Variants in ADCY1 observed in about 807,000 individuals in gnomAD.
ADCY1 encodes adenylate cyclase type 1.
A neutral mutation model predicts 105.4 loss-of-function variants in ADCY1; 28 were observed. The observed-to-expected ratio is 0.27, with a 90% CI of 0.20 to 0.36. The LOEUF (loss-of-function observed/expected upper bound fraction) is 0.36. Ranked by LOEUF, ADCY1 falls within the 10% of genes least tolerant of loss-of-function variation. The pLI is 1.00. For missense variants in ADCY1, 977 were observed against 1,434.2 expected, an observed-to-expected ratio of 0.68 and a Z score of 5.15; for synonymous variants, 655 against 623.8, an observed-to-expected ratio of 1.05 and a Z score of -0.75.
intron 4 of ADCY1, among the ~76,000 whole-genome samples, chr7:45,636,449 T>G (rs1794400130): frequency 1.3e-5 from 2 of 152,234 alleles, no homozygotes; most frequent in Non-Finnish European, 1.5e-5. Context: ...AACTACATTC[T>G]GTCATCTGCA....
Position 45,719,919 on chromosome 7 carries a change from A to AAG in ADCY1, c.*5925_*5926dup, listed in dbSNP as rs1785437311. ...TTTATCATCTACTACATCAGCACTGAAGTCCAGGGGCATTGAGGCACTAAC... is the reference window on the plus strand; with the variant it reads ...TTTATCATCTACTACATCAGCACTGAAGAGTCCAGGGGCATTGAGGCACTAAC... On this transcript the variant is annotated 3_prime_UTR_variant, in exon 20 of 20. Coordinates refer to ENST00000297323, the MANE Select transcript of ADCY1 (RefSeq NM_021116.4). 6.6e-6 allele frequency: 1 copy of AAG among 152,094 alleles called. No individual in the cohort carries two copies. The highest frequency in any genetic ancestry group is 6.5e-5 in the Admixed American group (1 of 15,274). The allele number at this position is 152,094 out of a possible 1,614,324, so 9.4% of individuals were successfully genotyped here.
In ADCY1 at chr7:45,677,943, C is replaced by T; in HGVS notation, c.1680C>T (p.Thr560=). 1 of 1,614,204 alleles carries T rather than the reference C, an allele frequency of 6.2e-7. No individual in the cohort carries two copies. Among genetic ancestry groups the T allele is most frequent in the Non-Finnish European group, 8.5e-7 (1 of 1,180,038 alleles). Residue 560 remains threonine, a synonymous_variant, in exon 9 of 20, where the codon ACC becomes ACT. Coordinates refer to ENST00000297323, the MANE Select transcript of ADCY1 (RefSeq NM_021116.4). ...TTTCTACCAACGTTGTCTACACCAC[C>T]CCGGGCACTCGCGTCAACAGGTACA... The part of the protein sequence containing the change: ...SSFSTNVVYT[T]PGTRVNRYIS...
At chr7:45,683,272 T>C (rs1271971832) in intron 11 of ADCY1, among the ~76,000 whole-genome samples, 4 of 152,194 alleles carry the variant, frequency 2.6e-5, no homozygotes, top group Non-Finnish European at 5.9e-5. Context: ...TTTCCAACCA[T>C]GTCTTTCCCA....
chr7:45,678,894 A>ATAG (rs1447944141), intron 10 of ADCY1, among the ~76,000 whole-genome samples: 3 of 151,484 alleles, frequency 2.0e-5, no homozygotes, highest in Non-Finnish European at 4.4e-5. Context: ...TCTAAAAATA[A>ATAG]TAATAATAAT....
chr7:45,696,283 C>T (rs988443639), intron 14 of ADCY1, among the ~76,000 whole-genome samples: 2 of 151,730 alleles, frequency 1.3e-5, no homozygotes, highest in Non-Finnish European at 2.9e-5. Context: ...CTAAAAAATA[C>T]AAAAAATTAG....
At position 45,715,574 on chromosome 7, in the gene ADCY1, G is replaced by C. The variant is rs981028120; in HGVS notation, c.*1579G>C. 1 of 152,510 alleles carries C rather than the reference G, an allele frequency of 6.6e-6. No individual in the cohort carries two copies. The allele number at this position is 152,510 out of a possible 1,614,324, so 9.4% of individuals were successfully genotyped here. ...CTCCAGGCTGATCCCTGTCCGCACA[G>C]GTGGGTGATGTCCTTGGCTGCTGCC... On this transcript the variant is annotated 3_prime_UTR_variant, in exon 20 of 20. Coordinates refer to ENST00000297323, the MANE Select transcript of ADCY1 (RefSeq NM_021116.4).
At chr7:45,670,500 C>T (rs79209880) in intron 8 of ADCY1, among the ~76,000 whole-genome samples, 2,138 of 152,216 alleles carry the variant, frequency 0.014, 30 homozygotes, top group Non-Finnish European at 0.017. Flanking sequence ...TAGCACCAAC[C>T]GGAAAATGGA....
chr7:45,698,041 ACAT>A (rs569623932), intron 14 of ADCY1, among the ~76,000 whole-genome samples: 82 of 152,280 alleles, frequency 5.4e-4, no homozygotes, highest in African/African-American at 1.7e-3. Flanking sequence ...TGGGACAAAC[ACAT>A]CATGAGGGCT....
At chr7:45,652,216 C>T (rs947157687) in intron 5 of ADCY1, among the ~76,000 whole-genome samples, 4 of 152,220 alleles carry the variant, frequency 2.6e-5, no homozygotes, top group African/African-American at 4.8e-5. Context: ...GATCCAGTTA[C>T]CTCCCACCAG....
intron 1 of ADCY1, among the ~76,000 whole-genome samples, chr7:45,589,026 G>A (rs1172571171): frequency 2.0e-5 from 3 of 152,246 alleles, no homozygotes; most frequent in South Asian, 2.1e-4. Context: ...TCTTTGATAA[G>A]CTCATTTGGG....
At chr7:45,632,998 A>G (rs999610048) in intron 4 of ADCY1, among the ~76,000 whole-genome samples, 1 of 151,974 alleles carries the variant, frequency 6.6e-6, no homozygotes, top group Admixed American at 6.6e-5. Context: ...GCTCACTGCA[A>G]TCTCTGCCTC....
chr7:45,600,889 C>T (rs1793212451), intron 2 of ADCY1, among the ~76,000 whole-genome samples: 1 of 152,128 alleles, frequency 6.6e-6, no homozygotes, highest in Non-Finnish European at 1.5e-5. Context: ...TTAGGGCCCA[C>T]TCAATTACCT....
chr7:45,708,408 T>G lies in ADCY1; in HGVS notation c.2876T>G (p.Phe959Cys), dbSNP rs761085202. ...STLADFAIEMFDVLDEINYQS... is the reference protein window; with the variant it reads ...STLADFAIEMCDVLDEINYQS... Reference sequence around the variant, plus strand: ...CTGGCGGACTTTGCCATTGAGATGTTTGACGTTCTGGATGAAATCAACTAC... The same window carrying G: ...CTGGCGGACTTTGCCATTGAGATGTGTGACGTTCTGGATGAAATCAACTAC... Residue 959 changes from phenylalanine to cysteine, a missense_variant, in exon 18 of 20, where the codon TTT becomes TGT. Phe to Cys is a radical substitution (Grantham distance 205). Around this residue, in one of 7 missense-constraint regions of ADCY1, gnomAD observed 152 missense variants for 293.7 expected, o/e 0.52. Transcript: ENST00000297323. This position sits in a 1 kb window ranked among gnomAD's most constrained non-coding sequence, Gnocchi z 4.7. 1.9e-6 allele frequency: 3 copies of G among 1,614,232 alleles called. No homozygotes were observed. Among genetic ancestry groups the G allele is most frequent in the Non-Finnish European group, 2.5e-6 (3 of 1,180,040 alleles).
At chr7:45,680,721 C>T (rs1001074694) in intron 11 of ADCY1, 1 of 152,206 alleles carries the variant, frequency 6.6e-6, no homozygotes, top group East Asian at 1.9e-4. Context: ...TTTACCACTT[C>T]AAGTAAAACT....
At chr7:45,635,138 GT>G (rs59397788) in intron 4 of ADCY1, among the ~76,000 whole-genome samples, 131 of 145,808 alleles carry the variant, frequency 9.0e-4, no homozygotes, top group East Asian at 2.8e-3. Context: ...AGTGAGGTCA[GT>G]TTTTTTTTTT....
chr7:45,682,309 G>A (rs1190046835), intron 11 of ADCY1, among the ~76,000 whole-genome samples: 2 of 152,306 alleles, frequency 1.3e-5, no homozygotes, highest in Admixed American at 6.5e-5. Context: ...GAGCTGACCC[G>A]AGGGTCCTGC....
intron 4 of ADCY1, among the ~76,000 whole-genome samples, chr7:45,633,470 C>T (rs1794315177): frequency 6.6e-6 from 1 of 152,136 alleles, no homozygotes; most frequent in Non-Finnish European, 1.5e-5. Flanking sequence ...AACGATTATA[C>T]ATGTATTTAG....
rs1785453424 is a variant in ADCY1 at position 45,720,530 on chromosome 7, GAAAGA to G, written c.*6538_*6542del. On this transcript the variant is annotated 3_prime_UTR_variant, in exon 20 of 20. Coordinates refer to ENST00000297323, the MANE Select transcript of ADCY1 (RefSeq NM_021116.4). ...GACTCTCTCAAAAAAAAAAAAAAAA[GAAAGA>G]AAGAAATCAGAAAATCGACCACAGT... is the stretch of plus-strand genomic sequence containing the variant. 6.8e-6 allele frequency: 1 copy of G among 146,672 alleles called. No individual in the cohort carries two copies. Among genetic ancestry groups the G allele is most frequent in the African/African-American group, 2.5e-5 (1 of 39,280 alleles). 9.1% of individuals were successfully genotyped at this position (146,672 alleles called of 1,614,324 possible). A position where few individuals can be genotyped will look rare whatever the true frequency, so the allele number is the denominator to read the frequency against.
At chr7:45,643,855 T>A (rs563019658) in intron 4 of ADCY1, among the ~76,000 whole-genome samples, 77 of 152,214 alleles carry the variant, frequency 5.1e-4, no homozygotes, top group Middle Eastern at 3.4e-3. Context: ...TCCTGGAGAG[T>A]GCTTCCCAAC....
Sources: gnomAD v4.1 joint callset for allele counts (sites outside exome capture counted in the v4.1 genomes callset) on GRCh38, gnomAD v4.1.1 for gene constraint, gnomAD v4.1.1 regional missense constraint, Gnocchi (gnomAD v3.1) non-coding constraint, MANE v1.5 for transcripts, NCBI Gene and HGNC (gene_info 2026-07-23, HGNC 2026-07-21) for gene names.